Variants in GALNT13 observed in about 807,000 individuals in gnomAD.
GALNT13 encodes the protein UDP-GalNAc:polypeptide N-acetylgalactosaminyltransferase 13.
Under a neutral mutation model 64.2 loss-of-function variants are expected in GALNT13, and 28 were observed. The observed-to-expected ratio is 0.44, with a 90% CI of 0.32 to 0.60. GALNT13 has a LOEUF of 0.60. Ranked by LOEUF, GALNT13 falls within the 20% of genes least tolerant of loss-of-function variation. The pLI is 0.05. For missense variants in GALNT13, 577 were observed against 669.8 expected (o/e 0.86, Z 1.53); for synonymous variants, 214 against 224.6 (o/e 0.95, Z 0.42).
chr2:154,105,941 C>T (rs1166649131), intron 3 of GALNT13, among the ~76,000 whole-genome samples: 1 of 152,124 alleles, frequency 6.6e-6, no homozygotes, highest in East Asian at 1.9e-4. Flanking sequence ...CTGTGGCACT[C>T]ATATAATCAG....
the GALNT13 span, among the ~76,000 whole-genome samples, chr2:153,437,088 G>T: frequency 2.6e-5 from 4 of 152,122 alleles, no homozygotes; most frequent in Admixed American, 6.5e-5. Context: ...TATGTACCCA[G>T]TAGTCATTCA....
the GALNT13 span, among the ~76,000 whole-genome samples, chr2:153,504,637 A>T: frequency 6.6e-6 from 1 of 152,156 alleles, no homozygotes; most frequent in Non-Finnish European, 1.5e-5. Flanking sequence ...GTCTATTGAG[A>T]TGATCATATG....
intron 8 of GALNT13, among the ~76,000 whole-genome samples, chr2:154,277,819 A>G (rs1314066128): frequency 1.8e-4 from 28 of 152,220 alleles, no homozygotes. Context: ...TAGGAATTCT[A>G]AAGATGTTTT....
chr2:154,135,606 A>G (rs916551397), intron 3 of GALNT13, among the ~76,000 whole-genome samples: 1 of 152,152 alleles, frequency 6.6e-6, no homozygotes, highest in Non-Finnish European at 1.5e-5. Context: ...TGTGAAGTCT[A>G]TTTTTGTTTC....
the GALNT13 span, among the ~76,000 whole-genome samples, chr2:153,685,425 AG>A: frequency 6.6e-6 from 1 of 151,968 alleles, no homozygotes; most frequent in Non-Finnish European, 1.5e-5. Context: ...AGTGAAGTTG[AG>A]GTTTTTCCAT....
chr2:153,674,959 T>C, the GALNT13 span, among the ~76,000 whole-genome samples: 2 of 152,214 alleles, frequency 1.3e-5, no homozygotes, highest in Admixed American at 6.5e-5. Flanking sequence ...TCATTATCAC[T>C]GGTTATCAGA....
chr2:154,285,218 T>TTG (rs1181665996), intron 8 of GALNT13, among the ~76,000 whole-genome samples: 2 of 152,214 alleles, frequency 1.3e-5, no homozygotes, highest in African/African-American at 4.8e-5. Context: ...GCTTTTTAGT[T>TTG]TGACACAATT....
In GALNT13 at chr2:154,107,018, T is replaced by G. The variant is rs72870400; in HGVS notation, c.143-33319T>G. 6.6e-5 allele frequency among the ~76,000 whole-genome samples: 10 copies of G among 152,092 alleles called. No homozygotes were observed. In the East Asian group the frequency reaches 1.2e-3, roughly 18 times the overall value. On this transcript the variant is annotated intron_variant, in intron 3 of 12. Transcript: ENST00000392825. ...TATTAGTTCCCAGGACAGCTGGTTT[T>G]TTTTGTTTTGTTTTGTTTTGTTTTT...
intron 2 of GALNT13, among the ~76,000 whole-genome samples, chr2:153,923,936 A>G (rs1689932684): frequency 2.0e-5 from 3 of 152,068 alleles, no homozygotes; most frequent in Non-Finnish European, 4.4e-5. Context: ...AATCCAGCCT[A>G]TCATTGATGG....
At chr2:154,026,807 C>T (rs900463878) in intron 3 of GALNT13, among the ~76,000 whole-genome samples, 3 of 152,082 alleles carry the variant, frequency 2.0e-5, no homozygotes, top group African/African-American at 7.2e-5. Flanking sequence ...TATTTCAGTC[C>T]ATAACAGCTA....
At position 153,945,934 on chromosome 2, in the gene GALNT13, A is replaced by G. The variant is rs563699771; in HGVS notation, c.142+1295A>G. ...AATAATTTAAAAAAATTTGCAAGTG[A>G]CTGATGCTAGACCCATTTAGGTAGT... On this transcript the variant is annotated intron_variant, in intron 3 of 12. Transcript: ENST00000392825. 3.3e-5 allele frequency among the ~76,000 whole-genome samples: 5 copies of G among 152,296 alleles called. No homozygotes were observed. In the East Asian group the frequency reaches 9.7e-4, roughly 29 times the overall value.
chr2:153,893,828 G>T (rs1687721581), intron 1 of GALNT13, among the ~76,000 whole-genome samples: 1 of 152,006 alleles, frequency 6.6e-6, no homozygotes, highest in South Asian at 2.1e-4. Context: ...CTTTGAACGT[G>T]AAATTTTGCC....
At chr2:153,608,038 T>C in the GALNT13 span, among the ~76,000 whole-genome samples, 1 of 152,124 alleles carries the variant, frequency 6.6e-6, no homozygotes, top group South Asian at 2.1e-4. Context: ...ATGCCAAAAC[T>C]GGCCACTGGA....
At chr2:153,492,841 T>C in the GALNT13 span, among the ~76,000 whole-genome samples, 1 of 152,180 alleles carries the variant, frequency 6.6e-6, no homozygotes, top group African/African-American at 2.4e-5. Context: ...AAATAGAGTA[T>C]ATTGTCTGAT....
At position 154,086,784 on chromosome 2, in the gene GALNT13, A is replaced by G. The variant is rs76481681; in HGVS notation, c.143-53553A>G. On this transcript the variant is annotated intron_variant, in intron 3 of 12. Coordinates refer to ENST00000392825, the MANE Select transcript of GALNT13 (RefSeq NM_052917.4). ...TTAGCATACGCGCACACACACACAC[A>G]CGCGCACGCGATAGGATCCAGATTG... Among the ~76,000 whole-genome samples the G allele has an allele frequency of 8.4e-3, 1,252 of 149,422 alleles. 14 individuals carry two copies. Among genetic ancestry groups the G allele is most frequent in the African/African-American group, 0.028 (1,152 of 40,924 alleles).
chr2:154,206,865 G>T (rs192542258), intron 4 of GALNT13, among the ~76,000 whole-genome samples: 3 of 151,514 alleles, frequency 2.0e-5, no homozygotes, highest in African/African-American at 7.3e-5. Flanking sequence ...GAACATGGTC[G>T]TTTCACCATG....
the GALNT13 span, among the ~76,000 whole-genome samples, chr2:153,308,273 C>T: frequency 1.3e-5 from 2 of 152,142 alleles, no homozygotes; most frequent in African/African-American, 4.8e-5. Flanking sequence ...TACACACTTT[C>T]CTACTTTTCT....
At chr2:153,662,981 T>A in the GALNT13 span, among the ~76,000 whole-genome samples, 1 of 152,098 alleles carries the variant, frequency 6.6e-6, no homozygotes. Context: ...CTTTTCAAGG[T>A]GCTCCCCAAC....
the GALNT13 span, among the ~76,000 whole-genome samples, chr2:153,600,617 A>C: frequency 6.6e-6 from 1 of 151,970 alleles, no homozygotes; most frequent in African/African-American, 2.4e-5. Context: ...CAAGCTTTAC[A>C]TCCTCCCAAC....
Sources: gnomAD v4.1 joint callset for allele counts (sites outside exome capture counted in the v4.1 genomes callset) on GRCh38, gnomAD v4.1.1 for gene constraint, MANE v1.5 for transcripts, NCBI Gene and HGNC (gene_info 2026-07-23, HGNC 2026-07-21) for gene names.